Variants in PAPPA2 observed in about 807,000 individuals in gnomAD.
PAPPA2 encodes the protein pappalysin-2.
A neutral mutation model predicts 176.4 loss-of-function variants in PAPPA2; 86 were observed. The ratio of observed to expected loss-of-function variants is 0.49; its 90% CI spans 0.41 to 0.58. PAPPA2 has a LOEUF of 0.58. PAPPA2 is among the 20% of genes least tolerant of loss of function. The pLI, the probability that PAPPA2 is intolerant of heterozygous loss-of-function variation, is 0.00. For missense variants in PAPPA2, 2,073 were observed against 2,256.9 expected (o/e 0.92, Z 1.65); for synonymous variants, 809 against 852.2 (o/e 0.95, Z 0.88).
intron 17 of PAPPA2, among the ~76,000 whole-genome samples, chr1:176,778,902 A>AT (rs1166582568): frequency 2.0e-5 from 3 of 152,110 alleles, no homozygotes; most frequent in Admixed American, 2.0e-4. Flanking sequence ...GCTTCAGGCT[A>AT]ATTTATTAAA....
chr1:176,655,022 T>C (rs1173820979), intron 3 of PAPPA2, among the ~76,000 whole-genome samples: 1 of 151,796 alleles, frequency 6.6e-6, no homozygotes, highest in Admixed American at 6.6e-5. Context: ...TAAGCAGAGA[T>C]AATTTGACCT....
At chr1:176,715,010 TC>T (rs1333295650) in intron 12 of PAPPA2, among the ~76,000 whole-genome samples, 1 of 152,076 alleles carries the variant, frequency 6.6e-6, no homozygotes, top group Non-Finnish European at 1.5e-5. Context: ...CATGGCCATC[TC>T]CCCAGACCTC....
At chr1:176,766,378 A>C (rs896893101) in intron 15 of PAPPA2, among the ~76,000 whole-genome samples, 1 of 152,266 alleles carries the variant, frequency 6.6e-6, no homozygotes, top group Non-Finnish European at 1.5e-5. Flanking sequence ...CCATTTTCAG[A>C]ATTTCAAGAT....
intron 1 of PAPPA2, among the ~76,000 whole-genome samples, chr1:176,482,420 A>G (rs1652448180): frequency 6.6e-6 from 1 of 152,200 alleles, no homozygotes; most frequent in Non-Finnish European, 1.5e-5. Flanking sequence ...AAACTCATCA[A>G]TTGTTTTTAC....
rs370271956 is a variant in PAPPA2, at chr1:176,595,561, C to T, written c.1957C>T (p.Arg653Cys). Residue 653 changes from arginine (R) to cysteine (C), a missense_variant, in exon 3 of 23, where the codon CGC (arginine) becomes TGC (cysteine). Arg to Cys is a radical substitution (Grantham distance 180, BLOSUM62 -3). Coordinates refer to ENST00000367662, the MANE Select transcript of PAPPA2 (RefSeq NM_020318.3). Reference protein sequence around the residue: ...DCCDPQVADVRKTCFDPDSPK... With the variant: ...DCCDPQVADVCKTCFDPDSPK... Reference sequence around the variant, plus strand: ...CTGCGACCCCCAGGTGGCTGATGTGCGCAAGACCTGCTTTGACCCTGACTC... The same window carrying T: ...CTGCGACCCCCAGGTGGCTGATGTGTGCAAGACCTGCTTTGACCCTGACTC... 31 of 1,613,504 alleles carry T rather than the reference C, an allele frequency of 1.9e-5. No homozygotes were observed. Among genetic ancestry groups the T allele is most frequent in the South Asian group, 4.4e-5 (4 of 91,032 alleles).
At chr1:176,691,046 A>C (rs1190784480) in intron 5 of PAPPA2, 1 of 985,330 alleles carries the variant, frequency 1.0e-6, no homozygotes, top group Non-Finnish European at 1.2e-6. Flanking sequence ...TGGCCCTCGG[A>C]AAAACTTGTC....
chr1:176,644,839 GAC>G (rs1434240233), intron 3 of PAPPA2, among the ~76,000 whole-genome samples: 1 of 151,790 alleles, frequency 6.6e-6, no homozygotes, highest in Non-Finnish European at 1.5e-5. Flanking sequence ...AGAAGAAAAG[GAC>G]ACAGGAAAAT....
At chr1:176,795,323 T>A (rs1665380943) in intron 20 of PAPPA2, among the ~76,000 whole-genome samples, 1 of 152,150 alleles carries the variant, frequency 6.6e-6, no homozygotes. Context: ...GCGGGATTCA[T>A]TTCATCTTTT....
rs1667552444 is a variant in PAPPA2 at position 176,843,377 on chromosome 1, A to G, written c.*923A>G. 1 of 152,152 alleles carries G rather than the reference A, an allele frequency of 6.6e-6. No homozygotes were observed. Among genetic ancestry groups the G allele is most frequent in the African/African-American group, 2.4e-5 (1 of 41,450 alleles). 9.4% of individuals were successfully genotyped at this position (152,152 alleles called of 1,614,324 possible). ...AGGAGAACTAGACTATGGTTCTTGA[A>G]TATCTGTCCACAAAGAATATACTAA... On this transcript the variant is annotated 3_prime_UTR_variant, in exon 23 of 23. Coordinates refer to ENST00000367662, the MANE Select transcript of PAPPA2 (RefSeq NM_020318.3).
chr1:176,819,431 T>G (rs1666564947), intron 21 of PAPPA2, among the ~76,000 whole-genome samples: 1 of 152,134 alleles, frequency 6.6e-6, no homozygotes, highest in Admixed American at 6.6e-5. Context: ...AGGCTGTTTG[T>G]ACATTGGAGA....
At chr1:176,675,231 C>T (rs983361499) in intron 4 of PAPPA2, among the ~76,000 whole-genome samples, 1 of 152,014 alleles carries the variant, frequency 6.6e-6, no homozygotes, top group African/African-American at 2.4e-5. Context: ...TGGAGAAAGA[C>T]ATAATCAAAA....
intron 1 of PAPPA2, among the ~76,000 whole-genome samples, chr1:176,533,859 A>G (rs757594172): frequency 3.9e-5 from 6 of 152,234 alleles, no homozygotes; most frequent in Admixed American, 6.5e-5. Context: ...CAGAGCAGCC[A>G]CTAGCTGCAC....
intron 1 of PAPPA2, among the ~76,000 whole-genome samples, chr1:176,531,858 G>A (rs1649827894): frequency 6.6e-6 from 1 of 152,174 alleles, no homozygotes; most frequent in Non-Finnish European, 1.5e-5. Flanking sequence ...CACTCATACT[G>A]AATGTTCACT....
At position 176,731,117 on chromosome 1, in the gene PAPPA2, A is replaced by G. The variant is rs559401183; in HGVS notation, c.3799-8509A>G. On this transcript the variant is annotated intron_variant, in intron 12 of 22. Coordinates refer to ENST00000367662, the MANE Select transcript of PAPPA2 (RefSeq NM_020318.3). ...TTTATCTCTATTTTTGTTTTTATAC[A>G]TAAACATCCACAAGATCCTTTTCTC... 5.3e-5 allele frequency among the ~76,000 whole-genome samples: 8 copies of G among 152,238 alleles called. No individual in the cohort carries two copies. In the South Asian group the frequency reaches 1.4e-3, roughly 28 times the overall value.
At chr1:176,609,003 G>A (rs780042447) in intron 3 of PAPPA2, among the ~76,000 whole-genome samples, 8 of 152,178 alleles carry the variant, frequency 5.3e-5, no homozygotes, top group Admixed American at 2.0e-4. Flanking sequence ...TAATTATTCA[G>A]AAAACTAATC....
intron 9 of PAPPA2, among the ~76,000 whole-genome samples, chr1:176,703,395 C>T (rs901968757): frequency 1.3e-5 from 2 of 152,140 alleles, no homozygotes; most frequent in African/African-American, 4.8e-5. Flanking sequence ...GGGACTTCCC[C>T]GGTTTTAGCA....
At chr1:176,575,048 G>A (rs1652567434) in intron 2 of PAPPA2, among the ~76,000 whole-genome samples, 1 of 152,306 alleles carries the variant, frequency 6.6e-6, no homozygotes, top group African/African-American at 2.4e-5. Flanking sequence ...TTGTTAAGCA[G>A]TATGTGACAC....
chr1:176,759,200 A>G (rs1663578515), intron 14 of PAPPA2, among the ~76,000 whole-genome samples: 3 of 152,218 alleles, frequency 2.0e-5, no homozygotes, highest in Admixed American at 2.0e-4. Flanking sequence ...GAAGTTTATG[A>G]GCTGATGTCA....
intron 1 of PAPPA2, among the ~76,000 whole-genome samples, chr1:176,473,201 C>CT (rs1447158090): frequency 1.3e-5 from 2 of 152,124 alleles, no homozygotes; most frequent in Non-Finnish European, 2.9e-5. Context: ...TCCTTCTAAC[C>CT]CCTGTCCTAA....
Sources: allele counts gnomAD v4.1 joint callset (sites outside exome capture counted in the v4.1 genomes callset), GRCh38; gene constraint gnomAD v4.1.1; transcripts MANE v1.5; gene names NCBI Gene and HGNC (gene_info 2026-07-23, HGNC 2026-07-21).